The following IL21R variants were observed in gnomAD, a reference collection of about 807,000 sequenced individuals.
The protein encoded by IL21R is interleukin-21 receptor.
In IL21R, 14 loss-of-function variants were observed where a neutral mutation model predicts 41.3. The observed-to-expected ratio is 0.34, with a 90% CI of 0.22 to 0.53. The LOEUF (loss-of-function observed/expected upper bound fraction) is 0.53, where lower values mean the gene tolerates loss of function less well. Among genes scored for constraint, IL21R ranks in the 20% least tolerant of loss-of-function variants. The pLI, the probability that IL21R is intolerant of heterozygous loss-of-function variation, is 0.94. For missense variants in IL21R, 588 were observed against 681.6 expected (o/e 0.86, Z 1.53); for synonymous variants, 286 against 287.6 (o/e 0.99, Z 0.05).
At chr16:27,418,004 CTATTTTATT>C (rs1279332227) in intron 1 of IL21R, among the ~76,000 whole-genome samples, 7 of 134,656 alleles carry the variant, frequency 5.2e-5, no homozygotes, top group African/African-American at 1.9e-4. Flanking sequence ...AACATTTTTC[CTATTTTATT>C]TATTTTATTT....
At chr16:27,437,847 G>A (rs1401934634) in intron 4 of IL21R, among the ~76,000 whole-genome samples, 160 bp downstream of exon 4, 2 of 152,122 alleles carry the variant, frequency 1.3e-5, no homozygotes, top group Non-Finnish European at 2.9e-5. Context: ...ATTTTTAGTA[G>A]AGACGGGGAT....
intron 4 of IL21R, among the ~76,000 whole-genome samples, chr16:27,441,141 GAA>G (rs1245408594): frequency 6.6e-6 from 1 of 151,662 alleles, no homozygotes; most frequent in Non-Finnish European, 1.5e-5. Flanking sequence ...AACAAAAAAA[GAA>G]AAAGTGGAGA....
intron 4 of IL21R, among the ~76,000 whole-genome samples, chr16:27,441,046 C>CAAAAAAAAA (rs35321284): frequency 7.3e-5 from 5 of 68,296 alleles, no homozygotes; most frequent in Admixed American, 3.4e-4. Flanking sequence ...GATTCTGTCT[C>CAAAAAAAAA]AAAAAAAAAA....
Position 27,449,158 on chromosome 16 carries a change from G to C in IL21R, c.1492G>C (p.Asp498His). 1.2e-6 allele frequency: 2 copies of C among 1,613,208 alleles called. No homozygotes were observed. Among genetic ancestry groups the C allele is most frequent in the Non-Finnish European group, 1.7e-6 (2 of 1,180,022 alleles). Residue 498 changes from aspartate (D) to histidine (H), a missense_variant, in exon 9 of 9, where the codon GAC (aspartate) becomes CAC (histidine). Coordinates refer to ENST00000337929, the MANE Select transcript of IL21R (RefSeq NM_181078.3). ...GTTTGACAGTGGCTTTGTGGGCTCT[G>C]ACTGCAGCAGCCCTGTGGAGTGTGA... ...DTFDSGFVGS[D>H]CSSPVECDFT...
chr16:27,440,222 A>AATATACAT (rs2087355885), intron 4 of IL21R, among the ~76,000 whole-genome samples: 2 of 75,902 alleles, frequency 2.6e-5, no homozygotes, highest in African/African-American at 1.3e-4. Flanking sequence ...TAATCTGACA[A>AATATACAT]ATATATATAT....
chr16:27,452,040 G>A lies in IL21R; in HGVS notation c.*2757G>A. On this transcript the variant is annotated 3_prime_UTR_variant, in exon 9 of 9. Coordinates refer to ENST00000337929, the MANE Select transcript of IL21R (RefSeq NM_181078.3). ...GGCACTCAATAAAGCCTGATTTGTA[G>A]CATTTGCTTATTTCCATGGTGTAAT... 1 of 217,466 alleles carries A rather than the reference G, an allele frequency of 4.6e-6. No individual in the cohort carries two copies. The highest frequency in any genetic ancestry group is 1.4e-3 in the Middle Eastern group (1 of 708). The allele number at this position is 217,466 out of a possible 1,614,324, so 13.5% of individuals were successfully genotyped here. A position where few individuals can be genotyped will look rare whatever the true frequency, so the allele number is the denominator to read the frequency against.
intron 4 of IL21R, among the ~76,000 whole-genome samples, chr16:27,439,361 T>TACAC (rs145409668): frequency 1.6e-4 from 22 of 139,200 alleles, no homozygotes; most frequent in Non-Finnish European, 2.1e-4. Context: ...CACACATACA[T>TACAC]ACACACACAC....
At chr16:27,423,641 C>A (rs2141275999) in intron 1 of IL21R, among the ~76,000 whole-genome samples, 1 of 152,284 alleles carries the variant, frequency 6.6e-6, no homozygotes, top group South Asian at 2.1e-4. Flanking sequence ...TCTCTAACTT[C>A]CTTTTTTCAC....
At chr16:27,435,837 C>T (rs146868257) in intron 3 of IL21R, among the ~76,000 whole-genome samples, 1,635 of 152,078 alleles carry the variant, frequency 0.011, 14 homozygotes, top group Non-Finnish European at 0.014. Flanking sequence ...GGCATGATCT[C>T]GGCTCACTGC....
At chr16:27,440,248 T>TATAGAGAGAGAG (rs1352160946) in intron 4 of IL21R, among the ~76,000 whole-genome samples, 96 of 64,022 alleles carry the variant, frequency 1.5e-3, no homozygotes, top group Admixed American at 6.0e-3. Flanking sequence ...TATATATATA[T>TATAGAGAGAGAG]AGAGAGAGAG....
chr16:27,405,038 T>A lies in IL21R; in HGVS notation c.-17+2420T>A, dbSNP rs74905198. Among the ~76,000 whole-genome samples the A allele has an allele frequency of 4.9e-3, 743 of 151,080 alleles. 9 individuals are homozygous for A. Among genetic ancestry groups the A allele is most frequent in the African/African-American group, 0.016 (658 of 40,784 alleles). On this transcript the variant is annotated intron_variant, in intron 1 of 8. Coordinates refer to ENST00000337929, the MANE Select transcript of IL21R (RefSeq NM_181078.3). ...TATCATGTTTTACTTTTTTTTTTTT[T>A]TAATTTTTTTTTGAGACAGAGTCTT... is the stretch of plus-strand genomic sequence containing the variant.
At chr16:27,410,104 G>A (rs190468302) in intron 1 of IL21R, among the ~76,000 whole-genome samples, 44 of 152,220 alleles carry the variant, frequency 2.9e-4, no homozygotes, top group African/African-American at 1.1e-3. Flanking sequence ...GGGAGGCCAA[G>A]GTGGGTGGAT....
At chr16:27,447,301 G>A (rs562352058) in intron 8 of IL21R, among the ~76,000 whole-genome samples, 2 of 152,090 alleles carry the variant, frequency 1.3e-5, no homozygotes, top group East Asian at 1.9e-4. Flanking sequence ...ACGGCCCTAC[G>A]GGTGGGTGCT....
intron 7 of IL21R, 80 bp from the exon 8 acceptor site, chr16:27,445,927 T>C: frequency 2.7e-6 from 3 of 1,092,800 alleles, no homozygotes; most frequent in Non-Finnish European, 2.7e-6. Flanking sequence ...TCCTGTAGGA[T>C]GAAGCTGGGG....
intron 3 of IL21R, among the ~76,000 whole-genome samples, chr16:27,435,849 A>G (rs923588472): frequency 1.3e-5 from 2 of 151,404 alleles, no homozygotes; most frequent in African/African-American, 4.9e-5. Context: ...GCTCACTGCA[A>G]CCTCCACCTC....
chr16:27,435,395 G>T (rs2087250600), intron 3 of IL21R, among the ~76,000 whole-genome samples: 2 of 152,126 alleles, frequency 1.3e-5, no homozygotes, highest in African/African-American at 2.4e-5. Flanking sequence ...GAGGCTGGGG[G>T]AGACAGACAC....
Position 27,447,402 on chromosome 16 carries a change from A to C in IL21R, c.868-1132A>C, listed in dbSNP as rs556653678. ...GCACACAGCTGAGAAGCGACTTTGAATCAGTGGTGGTGGCCACATCACAGT... is the reference window on the plus strand; with the variant it reads ...GCACACAGCTGAGAAGCGACTTTGACTCAGTGGTGGTGGCCACATCACAGT... On this transcript the variant is annotated intron_variant, in intron 8 of 8. Coordinates refer to ENST00000337929, the MANE Select transcript of IL21R (RefSeq NM_181078.3). Among the ~76,000 whole-genome samples, 31 of 152,108 alleles carry C rather than the reference A, an allele frequency of 2.0e-4. No homozygotes were observed. In the South Asian group the frequency reaches 6.3e-3, roughly 31 times the overall value.
chr16:27,436,126 C>A (rs1194564926), intron 3 of IL21R, among the ~76,000 whole-genome samples: 1 of 152,224 alleles, frequency 6.6e-6, no homozygotes, highest in African/African-American at 2.4e-5. Flanking sequence ...CTCTCGCCCA[C>A]ACAGGTCGCC....
chr16:27,422,959 C>T (rs2087019279), intron 1 of IL21R, among the ~76,000 whole-genome samples: 1 of 152,150 alleles, frequency 6.6e-6, no homozygotes, highest in Non-Finnish European at 1.5e-5. Context: ...TTTCCTTATT[C>T]CCAAGGAATA....
Sources: gnomAD v4.1 joint callset for allele counts (sites outside exome capture counted in the v4.1 genomes callset) on GRCh38, gnomAD v4.1.1 for gene constraint, MANE v1.5 for transcripts, NCBI Gene and HGNC (gene_info 2026-07-23, HGNC 2026-07-21) for gene names.